Variants in HUNK observed in about 807,000 individuals in gnomAD.
HUNK encodes the protein hormonally up-regulated neu tumor-associated kinase.
HUNK carries 21 observed loss-of-function variants against 61.0 expected under a neutral mutation model. That is an observed-to-expected ratio of 0.34 (90% CI 0.24 to 0.50). The LOEUF is 0.50. HUNK is among the 20% of genes least tolerant of loss of function. The pLI, the probability that HUNK is intolerant of heterozygous loss-of-function variation, is 0.98. For missense variants in HUNK, 772 were observed against 945.7 expected (o/e 0.82, Z 2.41); for synonymous variants, 371 against 386.1 (o/e 0.96, Z 0.46).
chr21:31,956,711 T>TG (rs1392240181), intron 4 of HUNK, among the ~76,000 whole-genome samples: 1 of 152,200 alleles, frequency 6.6e-6, no homozygotes, highest in Non-Finnish European at 1.5e-5. Flanking sequence ...CCCTTTCTGT[T>TG]GCGTGCCATC....
chr21:31,970,531 G>A (rs1398289975), intron 6 of HUNK, among the ~76,000 whole-genome samples: 1 of 152,132 alleles, frequency 6.6e-6, no homozygotes, highest in African/African-American at 2.4e-5. Context: ...AAAGGACCTT[G>A]CCTCATTATC....
chr21:31,967,473 C>G (rs942500806), intron 5 of HUNK, among the ~76,000 whole-genome samples: 3 of 152,196 alleles, frequency 2.0e-5, no homozygotes, highest in African/African-American at 7.2e-5. Flanking sequence ...TGCAAATGTT[C>G]TGCTTAGAGA....
chr21:31,961,247 T>C (rs1035228786), intron 5 of HUNK, among the ~76,000 whole-genome samples: 7 of 152,056 alleles, frequency 4.6e-5, no homozygotes, highest in Non-Finnish European at 7.4e-5. Context: ...TTTTTATTGG[T>C]GAGTAGTATC....
intron 5 of HUNK, among the ~76,000 whole-genome samples, 169 bp downstream of exon 5, chr21:31,959,139 T>C (rs1234310223): frequency 6.6e-6 from 1 of 152,174 alleles, no homozygotes; most frequent in East Asian, 1.9e-4. Context: ...GGGTTTCCCG[T>C]CTCTCAATGG....
rs138533933 is a variant in HUNK, at chr21:31,901,745, A to G, written c.262-22723A>G. 5.3e-3 allele frequency among the ~76,000 whole-genome samples: 805 copies of G among 152,320 alleles called. 6 individuals carry two copies. The highest frequency in any genetic ancestry group is 0.019 in the African/African-American group (779 of 41,578). ...CATAGGTTGTCTTGCGAGGATGTCC[A>G]TGGTGTAGAGATATGGGAATTATGC... On this transcript the variant is annotated intron_variant, in intron 1 of 10. Coordinates refer to ENST00000270112, the MANE Select transcript of HUNK (RefSeq NM_014586.2).
intron 7 of HUNK, 144 bp from the exon 8 acceptor site, chr21:31,983,382 T>G: frequency 3.0e-6 from 2 of 657,176 alleles, no homozygotes; most frequent in Non-Finnish European, 5.3e-6. Flanking sequence ...CTTCCTGGGG[T>G]GAGACTTGAT....
chr21:31,878,187 A>G (rs2052279808), intron 1 of HUNK, among the ~76,000 whole-genome samples: 1 of 134,768 alleles, frequency 7.4e-6, no homozygotes, highest in Non-Finnish European at 1.5e-5. Context: ...TGAATGTGGG[A>G]GGTGGAGGTT....
At chr21:31,952,415 G>A (rs2052856602) in intron 4 of HUNK, among the ~76,000 whole-genome samples, 1 of 152,110 alleles carries the variant, frequency 6.6e-6, no homozygotes, top group Non-Finnish European at 1.5e-5. Context: ...GGCAGTTTCC[G>A]AGGCTCCTGT....
At chr21:31,954,218 A>G (rs1355317105) in intron 4 of HUNK, among the ~76,000 whole-genome samples, 2 of 152,184 alleles carry the variant, frequency 1.3e-5, no homozygotes, top group Admixed American at 1.3e-4. Flanking sequence ...CATCTGCACT[A>G]TACGACACCC....
At chr21:31,878,258 C>CAAAAAA (rs59741283) in intron 1 of HUNK, among the ~76,000 whole-genome samples, 1 of 89,946 alleles carries the variant, frequency 1.1e-5, no homozygotes. Context: ...GACTCCATCT[C>CAAAAAA]AAAAAAAAAA....
chr21:31,910,106 C>T (rs1450059095), intron 1 of HUNK, among the ~76,000 whole-genome samples: 2 of 152,168 alleles, frequency 1.3e-5, no homozygotes, highest in Non-Finnish European at 2.9e-5. Flanking sequence ...TACTAATAAC[C>T]ATCATAAAGG....
rs1236839235 is a variant in HUNK, at chr21:31,905,034, C to T, written c.262-19434C>T. Among the ~76,000 whole-genome samples the T allele has an allele frequency of 4.0e-5, 6 of 150,994 alleles. No homozygotes were observed. In the East Asian group the frequency reaches 7.8e-4, roughly 20 times the overall value. On this transcript the variant is annotated intron_variant, in intron 1 of 10. Coordinates refer to ENST00000270112, the MANE Select transcript of HUNK (RefSeq NM_014586.2). Reference sequence around the variant, plus strand: ...CAGAGGTTGCAGTGAGCCAAGATTGCACCACTGCACTCCAGCCTGGGCAAC... The same window carrying T: ...CAGAGGTTGCAGTGAGCCAAGATTGTACCACTGCACTCCAGCCTGGGCAAC...
At chr21:31,955,889 G>T (rs2052886432) in intron 4 of HUNK, among the ~76,000 whole-genome samples, 2 of 152,214 alleles carry the variant, frequency 1.3e-5, no homozygotes, top group South Asian at 4.1e-4. Flanking sequence ...CCAAGATTAG[G>T]CACTCAGAGG....
At chr21:31,946,909 C>T (rs2052807735) in intron 4 of HUNK, among the ~76,000 whole-genome samples, 1 of 152,254 alleles carries the variant, frequency 6.6e-6, no homozygotes, top group South Asian at 2.1e-4. Flanking sequence ...GCCACGCGCC[C>T]GGCCGTTCAC....
intron 4 of HUNK, among the ~76,000 whole-genome samples, chr21:31,951,996 T>C (rs2052853070): frequency 6.6e-6 from 1 of 150,518 alleles, no homozygotes; most frequent in Non-Finnish European, 1.5e-5. Context: ...TCCCTTAGCT[T>C]CTGAGATTAT....
At position 31,958,018 on chromosome 21, in the gene HUNK, CT is replaced by C. The variant is rs750151899; in HGVS notation, c.747-821del. On this transcript the variant is annotated intron_variant, in intron 4 of 10. Coordinates refer to ENST00000270112, the MANE Select transcript of HUNK (RefSeq NM_014586.2). ...GCTTTTCCTGTATTGTTTGGTCAGCCTTTTCCAGGTACCACCTTGTAAGCCA... is the reference window on the plus strand; with the variant it reads ...GCTTTTCCTGTATTGTTTGGTCAGCCTTTCCAGGTACCACCTTGTAAGCCA... 3.2e-4 allele frequency among the ~76,000 whole-genome samples: 48 copies of C among 152,258 alleles called. No individual in the cohort carries two copies. The East Asian group carries it at 6.4e-3, about 20-fold the overall frequency.
intron 1 of HUNK, among the ~76,000 whole-genome samples, chr21:31,913,202 G>A (rs915198836): frequency 2.0e-5 from 3 of 152,098 alleles, no homozygotes; most frequent in Admixed American, 1.3e-4. Flanking sequence ...AGCTGGAGAG[G>A]CCCGGAGTGA....
intron 3 of HUNK, among the ~76,000 whole-genome samples, chr21:31,941,376 G>A (rs2123828155): frequency 6.6e-6 from 1 of 150,902 alleles, no homozygotes; most frequent in East Asian, 1.9e-4. Context: ...GTGCAATCTT[G>A]GCTCACTGCA....
chr21:31,900,934 G>A (rs2052462594), intron 1 of HUNK, among the ~76,000 whole-genome samples: 1 of 152,086 alleles, frequency 6.6e-6, no homozygotes, highest in South Asian at 2.1e-4. Context: ...AAATCAAGTT[G>A]CACCCTCTGA....
Sources: gnomAD v4.1 joint callset for allele counts (sites outside exome capture counted in the v4.1 genomes callset) on GRCh38, gnomAD v4.1.1 for gene constraint, MANE v1.5 for transcripts, NCBI Gene and HGNC (gene_info 2026-07-23, HGNC 2026-07-21) for gene names.